The following NOTCH2 variants were observed in gnomAD, a reference collection of about 807,000 sequenced individuals.
NOTCH2 encodes the protein notch receptor 2.
A neutral mutation model predicts 235.8 loss-of-function variants in NOTCH2; 29 were observed. The ratio of observed to expected loss-of-function variants is 0.12; its 90% CI spans 0.09 to 0.17. The LOEUF (loss-of-function observed/expected upper bound fraction) is 0.17. NOTCH2 is among the 10% of genes least tolerant of loss of function. NOTCH2 has a pLI of 1.00. For missense variants in NOTCH2, 2,285 were observed against 3,150.2 expected (o/e 0.73, Z 6.57); for synonymous variants, 1,086 against 1,141.5 (o/e 0.95, Z 0.98).
At chr1:120,043,863 GA>G (rs3978810) in intron 1 of NOTCH2, among the ~76,000 whole-genome samples, 17,661 of 135,896 alleles carry the variant, frequency 0.13, 2,148 homozygotes, top group African/African-American at 0.39. Context: ...ATTTCTCCAG[GA>G]AAAAAAAAAA....
In NOTCH2 at chr1:119,912,461, A is replaced by G; in HGVS notation, c.*2845T>C. 4.3e-6 allele frequency: 1 copy of G among 233,498 alleles called. No homozygotes were observed. 14.5% of individuals were successfully genotyped at this position (233,498 alleles called of 1,614,324 possible). On this transcript the variant is annotated 3_prime_UTR_variant, in exon 34 of 34. Transcript: ENST00000256646. ...ATAAGAGGATGCAATGGATTTGAGC[A>G]TCACAGCCAATTGCTTATACTAAAA...
intron 5 of NOTCH2, among the ~76,000 whole-genome samples, chr1:119,980,778 T>C (rs1458151233): frequency 1.3e-5 from 2 of 152,206 alleles, no homozygotes; most frequent in Admixed American, 6.5e-5. Flanking sequence ...GCTGAACAAA[T>C]AACGCAGTAA....
At position 119,914,909 on chromosome 1, in the gene NOTCH2, T is replaced by A; in HGVS notation, c.*397A>T. 2.7e-6 allele frequency: 1 copy of A among 370,428 alleles called. No individual in the cohort carries two copies. Among genetic ancestry groups the A allele is most frequent in the Non-Finnish European group, 5.0e-6 (1 of 200,058 alleles). 22.9% of individuals were successfully genotyped at this position (370,428 alleles called of 1,614,324 possible). A position where few individuals can be genotyped will look rare whatever the true frequency, so the allele number is the denominator to read the frequency against. On this transcript the variant is annotated 3_prime_UTR_variant, in exon 34 of 34. Coordinates refer to ENST00000256646, the MANE Select transcript of NOTCH2 (RefSeq NM_024408.4). ...TCAATTCAGGCAGAATTCCAGGGCA[T>A]AATTCCCAACAGGACGCTAGTGTAG...
At chr1:119,966,016 T>C (rs1651120629) in intron 9 of NOTCH2, among the ~76,000 whole-genome samples, 1 of 152,050 alleles carries the variant, frequency 6.6e-6, no homozygotes, top group Non-Finnish European at 1.5e-5. Context: ...ATGGGTGAAA[T>C]GTCTAAAAAT....
chr1:120,010,361 C>A (rs1553206764), intron 2 of NOTCH2, among the ~76,000 whole-genome samples: 1 of 152,002 alleles, frequency 6.6e-6, no homozygotes, highest in Admixed American at 6.6e-5. Flanking sequence ...TAAAATATTT[C>A]TAAAAGATGA....
intron 22 of NOTCH2, 103 bp from the exon 23 acceptor site, chr1:119,929,315 T>C (rs1447598681): frequency 6.4e-6 from 6 of 930,972 alleles, no homozygotes; most frequent in Middle Eastern, 2.1e-4. Flanking sequence ...AATCAGAGTA[T>C]ACTCCTCAAC....
At chr1:120,067,746 T>C (rs1210483256) in intron 1 of NOTCH2, among the ~76,000 whole-genome samples, 1 of 152,216 alleles carries the variant, frequency 6.6e-6, no homozygotes, top group Non-Finnish European at 1.5e-5. Context: ...CCATCATATA[T>C]GCTCTTTATT....
At chr1:119,941,850 G>GCCCC in intron 17 of NOTCH2, 96 bp from the exon 18 acceptor site, 1 of 967,732 alleles carries the variant, frequency 1.0e-6, no homozygotes, top group Non-Finnish European at 1.6e-6. Flanking sequence ...CATGCTGGGG[G>GCCCC]CAGCATAATT....
intron 23 of NOTCH2, among the ~76,000 whole-genome samples, chr1:119,927,371 A>G (rs1391284942): frequency 6.6e-6 from 1 of 152,176 alleles, no homozygotes; most frequent in Non-Finnish European, 1.5e-5. Context: ...GAGATCAAGC[A>G]GCAAGAGGTA....
intron 4 of NOTCH2, among the ~76,000 whole-genome samples, chr1:119,987,379 A>G (rs1652061170): frequency 6.6e-6 from 1 of 152,158 alleles, no homozygotes; most frequent in Admixed American, 6.6e-5. Context: ...TCTACTTGGG[A>G]CAGAGATATT....
chr1:119,954,679 C>CA (rs1325107833), intron 13 of NOTCH2, among the ~76,000 whole-genome samples: 1 of 152,100 alleles, frequency 6.6e-6, no homozygotes, highest in Non-Finnish European at 1.5e-5. Flanking sequence ...TATGTTTAAG[C>CA]AGGGGAAAAA....
Position 119,948,449 on chromosome 1 carries a change from A to G in NOTCH2, c.2717T>C (p.Met906Thr), listed in dbSNP as rs997629521. The G allele has an allele frequency of 1.9e-6, 3 of 1,614,222 alleles. No individual in the cohort carries two copies. The highest frequency in any genetic ancestry group is 1.7e-5 in the Admixed American group (1 of 60,022). Reference protein sequence around the residue: ...MCECPPGFSGMDCEEDIDDCL... With the variant: ...MCECPPGFSGTDCEEDIDDCL... ...GTCATCAATGTCCTCCTCACAGTCC[A>G]TACCACTGAAGCCTGGTGGACATTC... The change falls in exon 17 of 34, where the codon ATG (methionine) becomes ACG (threonine). Residue 906 changes from methionine (M) to threonine (T), a missense_variant. This residue lies in a region of NOTCH2 where 1,173 missense variants were observed against 1,515.3 expected (regional missense o/e 0.77). Transcript: ENST00000256646.
intron 11 of NOTCH2, among the ~76,000 whole-genome samples, chr1:119,961,558 C>CAT (rs1246173875): frequency 6.6e-6 from 1 of 152,208 alleles, no homozygotes; most frequent in Non-Finnish European, 1.5e-5. Context: ...CCTTATTATT[C>CAT]AATTGCTTGG....
intron 19 of NOTCH2, among the ~76,000 whole-genome samples, chr1:119,939,350 C>T (rs1447542327): frequency 6.6e-6 from 1 of 152,162 alleles, no homozygotes; most frequent in Non-Finnish European, 1.5e-5. Context: ...AAGCTATTCC[C>T]AATGCTCTAG....
chr1:119,964,493 G>A (rs1651063596), intron 10 of NOTCH2, among the ~76,000 whole-genome samples: 1 of 152,138 alleles, frequency 6.6e-6, no homozygotes, highest in Admixed American at 6.6e-5. Context: ...AATCTGGCCA[G>A]GGGAAGACAA....
intron 13 of NOTCH2, 77 bp from the exon 14 acceptor site, chr1:119,953,765 T>G: frequency 7.8e-7 from 1 of 1,283,762 alleles, no homozygotes; most frequent in South Asian, 1.2e-5. Context: ...CAGGACTTGG[T>G]GAAGAAATGG....
intron 5 of NOTCH2, among the ~76,000 whole-genome samples, chr1:119,980,154 T>C (rs1553201467): frequency 6.6e-6 from 1 of 152,176 alleles, no homozygotes; most frequent in Non-Finnish European, 1.5e-5. Context: ...ATCCATTCCA[T>C]ATCACAAGCA....
chr1:119,982,933 G>T (rs1651867413), intron 5 of NOTCH2, among the ~76,000 whole-genome samples: 1 of 152,188 alleles, frequency 6.6e-6, no homozygotes, highest in Non-Finnish European at 1.5e-5. Context: ...GGCTAGAACA[G>T]ATGCTTCTAC....
At chr1:120,035,430 C>A (rs1217940889) in intron 1 of NOTCH2, among the ~76,000 whole-genome samples, 4 of 152,090 alleles carry the variant, frequency 2.6e-5, no homozygotes, top group Admixed American at 1.3e-4. Flanking sequence ...GCTTACCTTA[C>A]CTGCCCAGTA....
Sources: allele counts gnomAD v4.1 joint callset (sites outside exome capture counted in the v4.1 genomes callset), GRCh38; gene constraint gnomAD v4.1.1; regional missense constraint gnomAD v4.1.1; transcripts MANE v1.5; gene names NCBI Gene and HGNC (gene_info 2026-07-23, HGNC 2026-07-21).